PPFIA2: variants seen among roughly 807,000 people sequenced by gnomAD.
The protein encoded by PPFIA2 is liprin-alpha-2.
A neutral mutation model predicts 175.5 loss-of-function variants in PPFIA2; 46 were observed. That is an observed-to-expected ratio of 0.26 (90% CI 0.21 to 0.34). The LOEUF is 0.34. Among genes scored for constraint, PPFIA2 ranks in the 10% least tolerant of loss-of-function variants. The pLI, the probability that PPFIA2 is intolerant of heterozygous loss-of-function variation, is 1.00. For synonymous variants in PPFIA2, 568 were observed against 511.4 expected, an observed-to-expected ratio of 1.11 and a Z score of -1.49; for missense variants, 1,179 against 1,506.1, an observed-to-expected ratio of 0.78 and a Z score of 3.60.
intron 21 of PPFIA2, among the ~76,000 whole-genome samples, chr12:81,328,075 A>G (rs2055219778): frequency 6.6e-6 from 1 of 152,116 alleles, no homozygotes; most frequent in African/African-American, 2.4e-5. Context: ...CCCAATTAAA[A>G]CACTTCTGAG....
At chr12:81,750,973 C>T (rs2083686041) in intron 3 of PPFIA2, among the ~76,000 whole-genome samples, 1 of 151,998 alleles carries the variant, frequency 6.6e-6, no homozygotes, top group Non-Finnish European at 1.5e-5. Flanking sequence ...TTATTTTCAC[C>T]TTCCAGCTAA....
chr12:81,459,249 T>C (rs2054112282), intron 4 of PPFIA2, among the ~76,000 whole-genome samples: 1 of 152,084 alleles, frequency 6.6e-6, no homozygotes, highest in Non-Finnish European at 1.5e-5. Context: ...ATTATTTAGG[T>C]GGTAAATGGA....
chr12:81,612,823 C>T (rs11612823), intron 4 of PPFIA2, among the ~76,000 whole-genome samples: 1 of 152,066 alleles, frequency 6.6e-6, no homozygotes, highest in African/African-American at 2.4e-5. Flanking sequence ...TGAACATTAT[C>T]TACATAAATA....
In PPFIA2 at chr12:81,375,928, C is replaced by T. The variant is rs2141720872; in HGVS notation, c.999G>A (p.Lys333=). Residue 333 remains lysine, a synonymous_variant, in exon 10 of 33, where the codon AAG becomes AAA. Transcript: ENST00000549396. ...QRDIREAMAQ[K]EDMEERITTL... Reference sequence around the variant, plus strand: ...TTGTAATTCTTTCTTCCATATCTTCCTTTTGTGCCATGGCCTACAATTAAA... The same window carrying T: ...TTGTAATTCTTTCTTCCATATCTTCTTTTTGTGCCATGGCCTACAATTAAA... 1 of 1,612,958 alleles carries T rather than the reference C, an allele frequency of 6.2e-7. No individual in the cohort carries two copies. The highest frequency in any genetic ancestry group is 8.5e-7 in the Non-Finnish European group (1 of 1,179,364).
intron 4 of PPFIA2, among the ~76,000 whole-genome samples, chr12:81,652,898 C>G (rs544014096): frequency 4.3e-4 from 66 of 152,184 alleles, no homozygotes; most frequent in Non-Finnish European, 7.5e-4. Flanking sequence ...CTTATGTTCT[C>G]TGTTTTGGTA....
intron 4 of PPFIA2, among the ~76,000 whole-genome samples, chr12:81,498,032 A>T (rs1567075144): frequency 6.6e-6 from 1 of 152,214 alleles, no homozygotes; most frequent in Non-Finnish European, 1.5e-5. Context: ...ATAACAAACC[A>T]AAAACCTTAA....
At chr12:81,291,667 T>C (rs1192735340) in intron 24 of PPFIA2, among the ~76,000 whole-genome samples, 1 of 152,012 alleles carries the variant, frequency 6.6e-6, no homozygotes, top group African/African-American at 2.4e-5. Context: ...AGAAGAACTG[T>C]AAAATGTTGT....
At chr12:81,405,602 T>C (rs1196308680) in intron 8 of PPFIA2, among the ~76,000 whole-genome samples, 185 bp downstream of exon 8, 2 of 152,048 alleles carry the variant, frequency 1.3e-5, no homozygotes, top group Non-Finnish European at 2.9e-5. Flanking sequence ...TATACACATA[T>C]GTATTATATT....
chr12:81,341,337 C>T (rs747238065), intron 19 of PPFIA2, 129 bp from the exon 20 acceptor site: 11 of 825,714 alleles, frequency 1.3e-5, no homozygotes, highest in Non-Finnish European at 1.8e-5. Context: ...AAACTTGGGG[C>T]ATTTAAGTCT....
At chr12:81,642,621 G>T (rs2065129765) in intron 4 of PPFIA2, among the ~76,000 whole-genome samples, 1 of 42,788 alleles carries the variant, frequency 2.3e-5, no homozygotes, top group Non-Finnish European at 4.9e-5. Context: ...ACACATAATA[G>T]ATACTATATA....
rs916726712 is a variant in PPFIA2 at position 81,262,830 on chromosome 12, C to T, written c.3715+401G>A. ...AATTTCTAAGATGACATATAAAACT[C>T]GCAGTATTTAAACATGTAGGGAGAC... On this transcript the variant is annotated intron_variant, in intron 31 of 32. Coordinates refer to ENST00000549396, the MANE Select transcript of PPFIA2 (RefSeq NM_003625.5). Among the ~76,000 whole-genome samples the T allele has an allele frequency of 7.9e-5, 12 of 152,048 alleles. No homozygotes were observed. The East Asian group carries it at 9.7e-4, about 12-fold the overall frequency.
chr12:81,345,675 A>G (rs2058948028), intron 18 of PPFIA2, among the ~76,000 whole-genome samples: 1 of 152,220 alleles, frequency 6.6e-6, no homozygotes, highest in African/African-American at 2.4e-5. Context: ...CCTGCCTTGA[A>G]TGCTGACTAA....
chr12:81,601,905 G>T (rs983347788), intron 4 of PPFIA2, among the ~76,000 whole-genome samples: 1 of 151,744 alleles, frequency 6.6e-6, no homozygotes, highest in Admixed American at 6.6e-5. Context: ...GCAATTTAAT[G>T]CCCATCTTCT....
At chr12:81,265,150 G>A (rs1054844522) in intron 30 of PPFIA2, among the ~76,000 whole-genome samples, 1 of 151,834 alleles carries the variant, frequency 6.6e-6, no homozygotes, top group Admixed American at 6.6e-5. Context: ...AAAATTAGAT[G>A]GGTGTGGTGG....
intron 4 of PPFIA2, among the ~76,000 whole-genome samples, chr12:81,490,810 G>T (rs1053549850): frequency 3.3e-5 from 5 of 151,776 alleles, no homozygotes; most frequent in African/African-American, 1.2e-4. Context: ...TGCTTATACT[G>T]GTCCCCATAG....
Position 81,258,824 on chromosome 12 carries a change from G to C in PPFIA2, c.*870C>G, listed in dbSNP as rs1377082745. The C allele has an allele frequency of 1.3e-5, 2 of 151,782 alleles. No individual in the cohort carries two copies. The highest frequency in any genetic ancestry group is 2.9e-5 in the Non-Finnish European group (2 of 67,986). 9.4% of individuals were successfully genotyped at this position (151,782 alleles called of 1,614,324 possible). A position where few individuals can be genotyped will look rare whatever the true frequency, so the allele number is the denominator to read the frequency against. ...TACTGGCTGGCATTTCAAGATATTT[G>C]AATGAACATGTGGTTCTTAGTAAAG... On this transcript the variant is annotated 3_prime_UTR_variant, in exon 33 of 33. Transcript: ENST00000549396.
Position 81,263,256 on chromosome 12 carries a change from C to T in PPFIA2, c.3690G>A (p.Gly1230=), listed in dbSNP as rs1201942218. The T allele has an allele frequency of 1.9e-6, 3 of 1,610,122 alleles. No homozygotes were observed. Among genetic ancestry groups the T allele is most frequent in the East Asian group, 2.2e-5 (1 of 44,842 alleles). Residue 1230 remains glycine, a synonymous_variant, in exon 31 of 33, where the codon GGG becomes GGA. Coordinates refer to ENST00000549396, the MANE Select transcript of PPFIA2 (RefSeq NM_003625.5). ...PAGFRLTTTS[G]QSRKMTTDVA... ...CATCTGTTGTCATTTTTCTTGACTG[C>T]CCAGAGGTTGTGGTTAACCTAAATC...
At chr12:81,465,285 C>G (rs2055401937) in intron 4 of PPFIA2, 1 of 152,072 alleles carries the variant, frequency 6.6e-6, no homozygotes, top group Admixed American at 6.6e-5. Flanking sequence ...GAGTGCAAAC[C>G]AGTTTGAGAG....
intron 22 of PPFIA2, among the ~76,000 whole-genome samples, chr12:81,309,880 C>T (rs1185110477): frequency 6.6e-6 from 1 of 152,034 alleles, no homozygotes; most frequent in East Asian, 1.9e-4. Flanking sequence ...CACACACATA[C>T]ACACAAATAT....
Sources: allele counts gnomAD v4.1 joint callset (sites outside exome capture counted in the v4.1 genomes callset), GRCh38; gene constraint gnomAD v4.1.1; transcripts MANE v1.5; gene names NCBI Gene and HGNC (gene_info 2026-07-23, HGNC 2026-07-21).